Variants in MAD1L1 observed in about 807,000 individuals in gnomAD.
MAD1L1 encodes the protein mitotic arrest deficient 1 like 1, also known as mitotic spindle assembly checkpoint protein MAD1.
Under a neutral mutation model 96.9 loss-of-function variants are expected in MAD1L1, and 95 were observed. The observed-to-expected ratio is 0.98, with a 90% CI of 0.83 to 1.16. MAD1L1 has a LOEUF of 1.16. Ranked by LOEUF, MAD1L1 falls within the 50% of genes most tolerant of loss-of-function variation. The pLI, the probability that MAD1L1 is intolerant of heterozygous loss-of-function variation, is 0.00. For synonymous variants in MAD1L1, 473 were observed against 396.6 expected, an observed-to-expected ratio of 1.19 and a Z score of -2.29; for missense variants, 1,007 against 954.4, an observed-to-expected ratio of 1.06 and a Z score of -0.73.
intron 18 of MAD1L1, among the ~76,000 whole-genome samples, chr7:1,881,710 T>A (rs1207643270): frequency 6.6e-6 from 1 of 152,074 alleles, no homozygotes; most frequent in Admixed American, 6.5e-5. Flanking sequence ...AACAAAACGA[T>A]CTGTCACAGA....
chr7:2,175,989 G>T (rs953538947), intron 10 of MAD1L1, among the ~76,000 whole-genome samples: 1 of 152,086 alleles, frequency 6.6e-6, no homozygotes. Context: ...CCAAAATCAG[G>T]CAGGAAAAAA....
chr7:1,915,887 C>T (rs554583589), intron 17 of MAD1L1, among the ~76,000 whole-genome samples: 19 of 152,304 alleles, frequency 1.2e-4, no homozygotes, highest in African/African-American at 4.6e-4. Flanking sequence ...CTACCACCAT[C>T]ACTACCACAG....
At chr7:2,206,256 T>C (rs537542041) in intron 10 of MAD1L1, among the ~76,000 whole-genome samples, 1 of 152,388 alleles carries the variant, frequency 6.6e-6, no homozygotes, top group Admixed American at 6.5e-5. Flanking sequence ...GTCAGATACA[T>C]GTTAATATCT....
intron 10 of MAD1L1, among the ~76,000 whole-genome samples, chr7:2,179,528 C>CAA (rs1254973924): frequency 1.9e-4 from 15 of 79,972 alleles, no homozygotes; most frequent in African/African-American, 3.9e-4. Context: ...GACTCTGTCT[C>CAA]AAAAAAAAAA....
At position 2,213,290 on chromosome 7, in the gene MAD1L1, A is replaced by G; in HGVS notation, c.925-17T>C. 1 of 1,613,158 alleles carries G rather than the reference A, an allele frequency of 6.2e-7. No individual in the cohort carries two copies. Among genetic ancestry groups the G allele is most frequent in the Non-Finnish European group, 8.5e-7 (1 of 1,179,188 alleles). On this transcript the variant is annotated splice_polypyrimidine_tract_variant and intron_variant, in intron 9 of 18. Coordinates refer to ENST00000265854, the MANE Select transcript of MAD1L1 (RefSeq NM_001013836.2). ...CAGCAGCCTCTGAAAAGACAACAAA[A>G]GCACAGACCCTGTCATCACCTGCCA...
At chr7:2,231,904 C>G (rs1193005427) in intron 1 of MAD1L1, among the ~76,000 whole-genome samples, 1 of 151,998 alleles carries the variant, frequency 6.6e-6, no homozygotes, top group Non-Finnish European at 1.5e-5. Flanking sequence ...AGTCTTCCAC[C>G]GCTAGATGAT....
chr7:1,915,330 G>A (rs965528612), intron 17 of MAD1L1, among the ~76,000 whole-genome samples: 6 of 152,170 alleles, frequency 3.9e-5, no homozygotes, highest in African/African-American at 1.4e-4. Context: ...GGGAGGGGGA[G>A]GGCTGCGGTC....
At chr7:2,182,233 A>C (rs1243406360) in intron 10 of MAD1L1, among the ~76,000 whole-genome samples, 1 of 152,160 alleles carries the variant, frequency 6.6e-6, no homozygotes, top group Non-Finnish European at 1.5e-5. Context: ...TCATTGTTTA[A>C]ATTATGGTAT....
At chr7:1,911,260 C>T (rs1262229526) in intron 17 of MAD1L1, among the ~76,000 whole-genome samples, 2 of 152,158 alleles carry the variant, frequency 1.3e-5, no homozygotes, top group Non-Finnish European at 2.9e-5. Context: ...ACCACCTCTG[C>T]TCGGGGTCTT....
At chr7:2,033,216 C>T (rs1190995368) in intron 12 of MAD1L1, among the ~76,000 whole-genome samples, 5 of 152,226 alleles carry the variant, frequency 3.3e-5, no homozygotes, top group African/African-American at 9.6e-5. Context: ...AGAGACAGCC[C>T]GGGTGCTGCA....
intron 11 of MAD1L1, among the ~76,000 whole-genome samples, chr7:2,085,177 G>A (rs1339646925): frequency 1.3e-5 from 2 of 152,280 alleles, no homozygotes; most frequent in African/African-American, 2.4e-5. Context: ...GTAACTCCAC[G>A]CTCACCTCAA....
intron 18 of MAD1L1, among the ~76,000 whole-genome samples, chr7:1,838,237 T>A (rs975017319): frequency 6.6e-6 from 1 of 152,166 alleles, no homozygotes; most frequent in Non-Finnish European, 1.5e-5. Flanking sequence ...TGGCGCGTGC[T>A]GGGGAGGACG....
At chr7:2,007,052 G>A (rs565764274) in intron 13 of MAD1L1, among the ~76,000 whole-genome samples, 1 of 152,210 alleles carries the variant, frequency 6.6e-6, no homozygotes, top group East Asian at 1.9e-4. Flanking sequence ...GGCCTGCTGG[G>A]TGAGGAGAGA....
intron 15 of MAD1L1, among the ~76,000 whole-genome samples, chr7:1,959,095 T>G (rs1779847336): frequency 6.6e-6 from 1 of 151,796 alleles, no homozygotes. Flanking sequence ...CTACTAAAAA[T>G]AAAAAAATTA....
At chr7:1,938,270 G>A (rs4719366) in intron 16 of MAD1L1, among the ~76,000 whole-genome samples, 38,925 of 144,192 alleles carry the variant, frequency 0.27, 5,565 homozygotes, top group East Asian at 0.42. Flanking sequence ...AACAACAGCC[G>A]CCCACGGCAG....
intron 10 of MAD1L1, among the ~76,000 whole-genome samples, chr7:2,186,913 C>A (rs993847304): frequency 1.6e-4 from 25 of 152,138 alleles, no homozygotes; most frequent in African/African-American, 5.8e-4. Context: ...CCTGCCTCAG[C>A]CTCCCCAGTA....
At chr7:2,145,814 A>C (rs1325177032) in intron 11 of MAD1L1, among the ~76,000 whole-genome samples, 1 of 152,184 alleles carries the variant, frequency 6.6e-6, no homozygotes, top group African/African-American at 2.4e-5. Context: ...TATGGAGAGA[A>C]ACTGAGGCAA....
At chr7:2,206,161 G>A (rs1308242935) in intron 10 of MAD1L1, among the ~76,000 whole-genome samples, 1 of 152,128 alleles carries the variant, frequency 6.6e-6, no homozygotes. Context: ...TAAAGTATCT[G>A]TTAAAAGTCT....
At chr7:1,933,938 G>A (rs1056091878) in intron 17 of MAD1L1, among the ~76,000 whole-genome samples, 15 of 152,144 alleles carry the variant, frequency 9.9e-5, no homozygotes, top group African/African-American at 3.1e-4. Context: ...AGCTCCACCC[G>A]CCGCCGGCTT....
Sources: gnomAD v4.1 joint callset for allele counts (sites outside exome capture counted in the v4.1 genomes callset) on GRCh38, gnomAD v4.1.1 for gene constraint, MANE v1.5 for transcripts, NCBI Gene and HGNC (gene_info 2026-07-23, HGNC 2026-07-21) for gene names.